Variants in ANTXR1 observed in about 807,000 individuals in gnomAD.
ANTXR1 encodes the protein anthrax toxin receptor 1.
A neutral mutation model predicts 78.1 loss-of-function variants in ANTXR1; 19 were observed. The ratio of observed to expected loss-of-function variants is 0.24; its 90% confidence interval spans 0.17 to 0.36. The LOEUF (loss-of-function observed/expected upper bound fraction) is 0.36, where lower values mean the gene tolerates loss of function less well. Among genes scored for constraint, ANTXR1 ranks in the 10% least tolerant of loss-of-function variants. ANTXR1 has a pLI of 1.00. For synonymous variants in ANTXR1, 273 were observed against 260.5 expected (o/e 1.05, Z -0.46); for missense variants, 518 against 718.6 (o/e 0.72, Z 3.19).
intron 1 of ANTXR1, among the ~76,000 whole-genome samples, chr2:69,021,604 G>T (rs574835435): frequency 6.6e-6 from 1 of 152,266 alleles, no homozygotes; most frequent in South Asian, 2.1e-4. Flanking sequence ...CAGAAGTGAC[G>T]TGCATCCTTC....
At chr2:69,041,518 A>T (rs1669616856) in intron 2 of ANTXR1, among the ~76,000 whole-genome samples, 1 of 152,150 alleles carries the variant, frequency 6.6e-6, no homozygotes, top group Admixed American at 6.5e-5. Flanking sequence ...GTCTAGTGGG[A>T]TAGGCTTTGA....
At chr2:69,239,737 G>T (rs1036310927) in intron 17 of ANTXR1, among the ~76,000 whole-genome samples, 5 of 152,152 alleles carry the variant, frequency 3.3e-5, no homozygotes, top group African/African-American at 1.2e-4. Flanking sequence ...CCTCCTGACT[G>T]CAACCCACAA....
chr2:69,122,589 TTTTTG>T (rs1672384137), intron 10 of ANTXR1, among the ~76,000 whole-genome samples: 1 of 132,866 alleles, frequency 7.5e-6, no homozygotes, highest in African/African-American at 2.5e-5. Flanking sequence ...TTTGTTTTTG[TTTTTG>T]TTTTTTTATT....
intron 13 of ANTXR1, among the ~76,000 whole-genome samples, chr2:69,162,582 C>G (rs977398972): frequency 6.6e-6 from 1 of 152,136 alleles, no homozygotes; most frequent in East Asian, 1.9e-4. Flanking sequence ...CATGAGCTCA[C>G]AATCCCAAAT....
chr2:69,175,454 A>G (rs1326695070), intron 14 of ANTXR1, among the ~76,000 whole-genome samples: 1 of 151,880 alleles, frequency 6.6e-6, no homozygotes, highest in Non-Finnish European at 1.5e-5. Flanking sequence ...CCCGCCGCCG[A>G]TATCTACAAA....
At chr2:69,201,180 G>A (rs183516454) in intron 17 of ANTXR1, among the ~76,000 whole-genome samples, 4 of 152,344 alleles carry the variant, frequency 2.6e-5, no homozygotes, top group African/African-American at 7.2e-5. Context: ...AGCACATGAG[G>A]TGTGGGAGCT....
intron 3 of ANTXR1, among the ~76,000 whole-genome samples, chr2:69,059,403 A>G (rs547960169): frequency 1.6e-4 from 25 of 152,362 alleles, no homozygotes; most frequent in African/African-American, 5.5e-4. Context: ...CTCCACCAGC[A>G]AAAGATTATG....
chr2:69,141,576 C>A (rs1309187930), intron 12 of ANTXR1, among the ~76,000 whole-genome samples: 1 of 152,202 alleles, frequency 6.6e-6, no homozygotes, highest in East Asian at 1.9e-4. Flanking sequence ...AATTGTGTGA[C>A]AGTCATTCTG....
chr2:69,103,250 G>A (rs1671686842), intron 10 of ANTXR1: 4 of 414,592 alleles, frequency 9.6e-6, no homozygotes, highest in African/African-American at 4.1e-5. Flanking sequence ...AAGCAGCGGG[G>A]CACTGGTTTC....
intron 17 of ANTXR1, among the ~76,000 whole-genome samples, chr2:69,240,332 A>G (rs1041432717): frequency 6.6e-6 from 1 of 152,244 alleles, no homozygotes; most frequent in Non-Finnish European, 1.5e-5. Context: ...TTCTAATGGG[A>G]AACATTTAGA....
At chr2:69,044,938 T>A in intron 3 of ANTXR1, 125 bp downstream of exon 3, 4 of 963,070 alleles carry the variant, frequency 4.2e-6, no homozygotes, top group Non-Finnish European at 6.6e-6. Context: ...TCTTTTACCC[T>A]AAGTTTTTAA....
At chr2:69,206,881 C>T (rs1674917722) in intron 17 of ANTXR1, among the ~76,000 whole-genome samples, 1 of 152,202 alleles carries the variant, frequency 6.6e-6, no homozygotes, top group Admixed American at 6.5e-5. Context: ...AATAGAATCT[C>T]TTAGCAAAAA....
chr2:69,138,666 A>G (rs7561207), intron 12 of ANTXR1, among the ~76,000 whole-genome samples: 146,551 of 152,346 alleles, frequency 0.96, 70,530 homozygotes, highest in East Asian at 1. Flanking sequence ...TACATAACTA[A>G]CATTCCTTTG....
intron 12 of ANTXR1, among the ~76,000 whole-genome samples, chr2:69,151,295 A>G (rs1673388957): frequency 6.8e-6 from 1 of 147,166 alleles, no homozygotes; most frequent in African/African-American, 2.5e-5. Flanking sequence ...AGTTCTATGC[A>G]GAAGGAAGCT....
At chr2:69,193,484 C>CAG in intron 17 of ANTXR1, 69 bp downstream of exon 17, 1 of 1,280,224 alleles carries the variant, frequency 7.8e-7, no homozygotes, top group Non-Finnish European at 1.1e-6. Context: ...CACACACACA[C>CAG]ACACACATAT....
chr2:69,095,455 G>A (rs1671368720), intron 9 of ANTXR1, among the ~76,000 whole-genome samples: 1 of 152,214 alleles, frequency 6.6e-6, no homozygotes, highest in African/African-American at 2.4e-5. Flanking sequence ...AGTAGTGAGA[G>A]CACTACTGAG....
intron 17 of ANTXR1, among the ~76,000 whole-genome samples, chr2:69,240,326 A>G (rs574478529): frequency 1.3e-5 from 2 of 152,392 alleles, no homozygotes; most frequent in African/African-American, 4.8e-5. Flanking sequence ...CAATGTTTCT[A>G]ATGGGAAACA....
At chr2:69,114,256 GT>G (rs1360332601) in intron 10 of ANTXR1, among the ~76,000 whole-genome samples, 2 of 152,134 alleles carry the variant, frequency 1.3e-5, no homozygotes, top group Non-Finnish European at 2.9e-5. Flanking sequence ...ATACTAATAT[GT>G]ATTACTTTGT....
intron 16 of ANTXR1, among the ~76,000 whole-genome samples, chr2:69,183,574 GTTTTTTTTTTTTT>G (rs55898655): frequency 9.1e-6 from 1 of 109,290 alleles, no homozygotes; most frequent in Non-Finnish European, 2.0e-5. Flanking sequence ...GCTAATTTTT[GTTTTTTTTTTTTT>G]TTTTTTTTTT....
Sources: allele counts gnomAD v4.1 joint callset (sites outside exome capture counted in the v4.1 genomes callset), GRCh38; gene constraint gnomAD v4.1.1; transcripts MANE v1.5; gene names NCBI Gene and HGNC (gene_info 2026-07-23, HGNC 2026-07-21).